MVP: variants seen among roughly 807,000 people sequenced by gnomAD.
MVP encodes the protein major vault protein.
A neutral mutation model predicts 83.5 loss-of-function variants in MVP; 62 were observed. That is an observed-to-expected ratio of 0.74 (90% confidence interval 0.61 to 0.92). The LOEUF is 0.92. Among genes scored for constraint, MVP ranks in the 40% least tolerant of loss-of-function variants. MVP has a pLI of 0.00. For synonymous variants in MVP, 505 were observed against 504.1 expected (o/e 1.00, Z -0.02); for missense variants, 1,000 against 1,203.4 (o/e 0.83, Z 2.50).
chr16:29,845,939 G>C lies in MVP; in HGVS notation c.2098G>C (p.Glu700Gln). ...GAAGATCCTGGACCAGTCAGAAGCC[G>C]AGAAAGCTCGCAAGGAACTTTTGGA... ...RQKILDQSEA[E>Q]KARKELLELE... Residue 700 changes from glutamate to glutamine, a missense_variant, in exon 12 of 15, where the codon GAG becomes CAG. By Grantham distance (29) the Glu-to-Gln change is conservative (BLOSUM62 2). Coordinates refer to ENST00000357402, the MANE Select transcript of MVP (RefSeq NM_005115.5). The C allele has an allele frequency of 6.2e-7, 1 of 1,614,248 alleles. No homozygotes were observed. The highest frequency in any genetic ancestry group is 8.5e-7 in the Non-Finnish European group (1 of 1,180,040).
Position 29,841,836 on chromosome 16 carries a change from G to C in MVP, c.1432G>C (p.Ala478Pro). 6.2e-7 allele frequency: 1 copy of C among 1,609,264 alleles called. No homozygotes were observed. Among genetic ancestry groups the C allele is most frequent in the South Asian group, 1.1e-5 (1 of 91,054 alleles). ...VQVYDYREKR[A>P]RVVFGPELVS... The stretch of plus-strand genomic sequence containing the variant: ...GGTGTACGACTACCGAGAGAAGCGA[G>C]CCCGGTGAGTGCTGGCAGCGCAGGG... Residue 478 changes from alanine to proline, a missense_variant, in exon 9 of 15, where the codon GCC (alanine) becomes CCC (proline). Ala to Pro is a conservative substitution (Grantham distance 27). Coordinates refer to ENST00000357402, the MANE Select transcript of MVP (RefSeq NM_005115.5). This position sits in a 1 kb window ranked among gnomAD's most constrained non-coding sequence, Gnocchi z 4.7.
At chr16:29,834,852 A>ATT (rs60147985) in intron 5 of MVP, 13 of 126,490 alleles carry the variant, frequency 1.0e-4, no homozygotes, top group Admixed American at 5.9e-4. Flanking sequence ...TGCCCAGCTA[A>ATT]TTTTTTTTTT....
At chr16:29,831,726 C>T (rs766961127) in intron 3 of MVP, 13 of 455,948 alleles carry the variant, frequency 2.9e-5, no homozygotes, top group Non-Finnish European at 8.8e-6. Flanking sequence ...CACCCGGTGC[C>T]AGACACTGGT....
rs184277227 is a variant in MVP at position 29,848,021 on chromosome 16, A to G, written c.*32A>G. The G allele has an allele frequency of 6.3e-7, 1 of 1,595,440 alleles. No homozygotes were observed. The highest frequency in any genetic ancestry group is 1.3e-5 in the African/African-American group (1 of 74,140). The stretch of plus-strand genomic sequence containing the variant: ...ATTAATACAATGGAAGTTTCTGGGC[A>G]TTTACAATTTCAACACTTTTCTCTT... On this transcript the variant is annotated 3_prime_UTR_variant, in exon 15 of 15. Transcript: ENST00000357402.
At chr16:29,822,694 C>T (rs1455184086) in intron 1 of MVP, 1 of 152,216 alleles carries the variant, frequency 6.6e-6, no homozygotes, top group African/African-American at 2.4e-5. Context: ...GTGCAATTCC[C>T]TGCCCTTCAC....
chr16:29,823,624 C>G (rs1192193353), intron 1 of MVP, among the ~76,000 whole-genome samples: 1 of 151,882 alleles, frequency 6.6e-6, no homozygotes, highest in Non-Finnish European at 1.5e-5. Flanking sequence ...GAGGCCAAGG[C>G]AGGCGGATCA....
chr16:29,839,242 C>T (rs941576632), intron 7 of MVP, among the ~76,000 whole-genome samples: 2 of 152,064 alleles, frequency 1.3e-5, no homozygotes, highest in Admixed American at 6.6e-5. Flanking sequence ...TGCATGATTC[C>T]ATTTATGTGA....
chr16:29,844,842 A>G lies in MVP; in HGVS notation c.1984A>G (p.Ile662Val). ...DALQRSVQLA[I>V]EITTNSQEAA... ...CCTGCAACGCAGCGTCCAGCTGGCC[A>G]TCGAGATCACCACCAACTCCCAGGA... The change falls in exon 11 of 15, where the codon ATC becomes GTC. Residue 662 changes from isoleucine to valine, a missense_variant. Coordinates refer to ENST00000357402, the MANE Select transcript of MVP (RefSeq NM_005115.5). 1 of 1,605,654 alleles carries G rather than the reference A, an allele frequency of 6.2e-7. No homozygotes were observed. Among genetic ancestry groups the G allele is most frequent in the Non-Finnish European group, 8.5e-7 (1 of 1,179,870 alleles).
chr16:29,836,267 CAAA>C (rs989574046), intron 6 of MVP, among the ~76,000 whole-genome samples: 15 of 55,112 alleles, frequency 2.7e-4, no homozygotes, highest in Admixed American at 7.9e-4. Context: ...AACCCTGTCT[CAAA>C]AAAAAAAAAA....
At position 29,840,329 on chromosome 16, in the gene MVP, GGGACCACTGGCTCATCCGC is replaced by G; in HGVS notation, c.1067_1085del (p.His356ProfsTer21). ...GAGGAGAAGGTCTCACACCAGGCTG[GGGACCACTGGCTCATCCGC>G]GGACCCCTGGAGTATGTGCCATCTG... On this transcript the variant is annotated frameshift_variant, in exon 8 of 15. Transcript: ENST00000357402. LOFTEE classifies it high-confidence loss of function. The G allele has an allele frequency of 6.2e-7, 1 of 1,612,126 alleles. No homozygotes were observed. The highest frequency in any genetic ancestry group is 8.5e-7 in the Non-Finnish European group (1 of 1,179,230).
At chr16:29,838,606 T>C (rs542462046) in intron 7 of MVP, among the ~76,000 whole-genome samples, 3 of 152,208 alleles carry the variant, frequency 2.0e-5, no homozygotes, top group African/African-American at 7.2e-5. Context: ...GGCAGGAGGA[T>C]TGCTTGAAGC....
chr16:29,836,405 T>C (rs1270275494), intron 6 of MVP, among the ~76,000 whole-genome samples: 1 of 151,030 alleles, frequency 6.6e-6, no homozygotes, highest in Non-Finnish European at 1.5e-5. Flanking sequence ...CGAAACCCCA[T>C]CTCTACTAAA....
At chr16:29,844,052 A>C (rs113567360) in intron 10 of MVP, among the ~76,000 whole-genome samples, 4 of 152,286 alleles carry the variant, frequency 2.6e-5, no homozygotes, top group African/African-American at 9.6e-5. Context: ...CAGGCCCCAG[A>C]AGCAGCTGCC....
intron 10 of MVP, among the ~76,000 whole-genome samples, chr16:29,843,134 G>A (rs1173386068): frequency 6.6e-6 from 1 of 152,154 alleles, no homozygotes; most frequent in African/African-American, 2.4e-5. Flanking sequence ...TGTTAGAACA[G>A]TGCCTCTATT....
chr16:29,832,022 C>T (rs1190666633), intron 3 of MVP, among the ~76,000 whole-genome samples: 6 of 152,222 alleles, frequency 3.9e-5, no homozygotes, highest in Non-Finnish European at 7.4e-5. Flanking sequence ...CCTCATGATC[C>T]GCCCGCCTCG....
intron 1 of MVP, chr16:29,821,372 CTG>C (rs917017284): frequency 1.3e-5 from 2 of 152,210 alleles, no homozygotes; most frequent in East Asian, 1.9e-4. Context: ...GGACAGCCCT[CTG>C]TATGTAGCCT....
At position 29,844,875 on chromosome 16, in the gene MVP, G is replaced by T; in HGVS notation, c.2017G>T (p.Ala673Ser). 1 of 1,598,300 alleles carries T rather than the reference G, an allele frequency of 6.3e-7. No individual in the cohort carries two copies. The change falls in exon 11 of 15, where the codon GCC becomes TCC. Residue 673 changes from alanine to serine, a missense_variant. Coordinates refer to ENST00000357402, the MANE Select transcript of MVP (RefSeq NM_005115.5). The part of the protein sequence containing the change: ...EITTNSQEAA[A>S]KHEAQRLEQE... The stretch of plus-strand genomic sequence containing the variant: ...CACCACCAACTCCCAGGAAGCGGCG[G>T]CCAAGTAAGTGAGGCTGGGAGCTCG...
At chr16:29,840,933 T>C (rs2067529751) in intron 8 of MVP, among the ~76,000 whole-genome samples, 1 of 151,848 alleles carries the variant, frequency 6.6e-6, no homozygotes, top group African/African-American at 2.4e-5. Context: ...AGTGAGACTC[T>C]GTCAAAAAAA....
rs1244595945 is a variant in MVP, at chr16:29,831,032, C to T, written c.280C>T (p.Gln94Ter). Residue 94 changes from glutamine (Q) to a stop codon, truncating the protein, a stop_gained, in exon 3 of 15, where the codon CAG becomes TAG. Transcript: ENST00000357402. LOFTEE classifies it high-confidence loss of function. ...RHADLEIRLA[Q>*]DPFPLYPGEV... Reference sequence around the variant, plus strand: ...CGCTGACCTCGAGATCCGGCTGGCCCAGGACCCCTTCCCCCTGTACCCAGG... The same window carrying T: ...CGCTGACCTCGAGATCCGGCTGGCCTAGGACCCCTTCCCCCTGTACCCAGG... 6.2e-7 allele frequency: 1 copy of T among 1,613,544 alleles called. No individual in the cohort carries two copies.
Sources: gnomAD v4.1 joint callset for allele counts (sites outside exome capture counted in the v4.1 genomes callset) on GRCh38, gnomAD v4.1.1 for gene constraint, Gnocchi (gnomAD v3.1) non-coding constraint, MANE v1.5 for transcripts, NCBI Gene and HGNC (gene_info 2026-07-23, HGNC 2026-07-21) for gene names.